The following GRM5 variants were observed in gnomAD, a reference collection of about 807,000 sequenced individuals.
GRM5 encodes the protein metabotropic glutamate receptor 5.
A neutral mutation model predicts 83.1 loss-of-function variants in GRM5; 19 were observed. That is an observed-to-expected ratio of 0.23 (90% CI 0.16 to 0.34). The LOEUF is 0.34. Among genes scored for constraint, GRM5 ranks in the 10% least tolerant of loss-of-function variants. The pLI is 1.00. For synonymous variants in GRM5, 675 were observed against 633.6 expected, an observed-to-expected ratio of 1.07 and a Z score of -0.98; for missense variants, 1,160 against 1,588.3, an observed-to-expected ratio of 0.73 and a Z score of 4.58.
intron 3 of GRM5, among the ~76,000 whole-genome samples, chr11:88,734,040 T>C (rs1215992463): frequency 3.9e-5 from 6 of 152,030 alleles, no homozygotes; most frequent in Admixed American, 2.6e-4. Flanking sequence ...AAGATTATTT[T>C]AGGTCACTAT....
intron 2 of GRM5, among the ~76,000 whole-genome samples, chr11:89,004,429 C>G: frequency 6.6e-6 from 1 of 152,084 alleles, no homozygotes. Context: ...TTATCTCTGT[C>G]AAAAATCTCT....
chr11:88,647,346 A>T (rs1229068324), intron 4 of GRM5, among the ~76,000 whole-genome samples: 1 of 142,972 alleles, frequency 7.0e-6, no homozygotes, highest in Non-Finnish European at 1.6e-5. Flanking sequence ...CTCCTTAAAA[A>T]AAGTATAAGA....
chr11:88,696,056 G>A (rs1367300615), intron 3 of GRM5, among the ~76,000 whole-genome samples: 1 of 152,100 alleles, frequency 6.6e-6, no homozygotes, highest in Non-Finnish European at 1.5e-5. Flanking sequence ...AGAAAAATTG[G>A]GTCACACTTG....
rs558330426 is a variant in GRM5 at position 88,632,857 on chromosome 11, C to G, written c.1147+20311G>C. ...CTTCCCAACATTTGATATGACCAGG[C>G]TTTATAATTTTATCCATACTAATAA... is the stretch of plus-strand genomic sequence containing the variant. On this transcript the variant is annotated intron_variant, in intron 4 of 9. Coordinates refer to ENST00000305447, the MANE Select transcript of GRM5 (RefSeq NM_001143831.3). 2.0e-5 allele frequency among the ~76,000 whole-genome samples: 3 copies of G among 152,250 alleles called. No homozygotes were observed. The East Asian group carries it at 5.8e-4, about 29-fold the overall frequency.
At chr11:88,732,116 C>T (rs1219379941) in intron 3 of GRM5, among the ~76,000 whole-genome samples, 1 of 152,044 alleles carries the variant, frequency 6.6e-6, no homozygotes, top group Admixed American at 6.6e-5. Flanking sequence ...CTCTGAGCCC[C>T]ACTACACACT....
intron 2 of GRM5, among the ~76,000 whole-genome samples, chr11:88,963,265 A>C (rs1938839425): frequency 6.6e-6 from 1 of 152,242 alleles, no homozygotes; most frequent in Admixed American, 6.5e-5. Flanking sequence ...TATGTGGCAT[A>C]CTGTTGGTCA....
At chr11:88,989,064 A>G (rs1434947713) in intron 2 of GRM5, among the ~76,000 whole-genome samples, 28 of 151,544 alleles carry the variant, frequency 1.8e-4, no homozygotes, top group Admixed American at 1.7e-3. Flanking sequence ...ACACAGACTG[A>G]CAAATTGGAT....
intron 7 of GRM5, among the ~76,000 whole-genome samples, chr11:88,587,046 T>C (rs1044185675): frequency 2.0e-5 from 3 of 152,234 alleles, no homozygotes; most frequent in Non-Finnish European, 4.4e-5. Context: ...TCAGGCATTG[T>C]ATTAGGTGCT....
chr11:88,710,064 C>T lies in GRM5; in HGVS notation c.912-56661G>A, dbSNP rs1047613148. 9.2e-5 allele frequency among the ~76,000 whole-genome samples: 14 copies of T among 152,204 alleles called. No homozygotes were observed. In the East Asian group the frequency reaches 2.1e-3, roughly 23 times the overall value. On this transcript the variant is annotated intron_variant, in intron 3 of 9. Transcript: ENST00000305447. ...TTTCAAATTAAACTCCCCCAGGAGC[C>T]GAATTACCTGAGCTAATGTATCTCA...
intron 4 of GRM5, among the ~76,000 whole-genome samples, chr11:88,605,856 A>C (rs1328585077): frequency 6.6e-6 from 1 of 152,212 alleles, no homozygotes; most frequent in Non-Finnish European, 1.5e-5. Context: ...AACTGCTCAG[A>C]ACTTGCTCCG....
rs1395254820 is a variant in GRM5, at chr11:88,634,200, G to C, written c.1147+18968C>G. Among the ~76,000 whole-genome samples the C allele has an allele frequency of 1.3e-5, 2 of 152,258 alleles. 1 individual carries two copies. The highest frequency in any genetic ancestry group is 4.2e-4 in the South Asian group (2 of 4,818). On this transcript the variant is annotated intron_variant, in intron 4 of 9. Coordinates refer to ENST00000305447, the MANE Select transcript of GRM5 (RefSeq NM_001143831.3). The stretch of plus-strand genomic sequence containing the variant: ...GGCAAGTCAGTGAGTGAGGGTGAGG[G>C]AATGTGATGGCCTAGGACATTACTG...
intron 1 of GRM5, among the ~76,000 whole-genome samples, chr11:89,050,483 A>G (rs1941734120): frequency 6.6e-6 from 1 of 152,232 alleles, no homozygotes; most frequent in Non-Finnish European, 1.5e-5. Context: ...TGGTGAATAC[A>G]AAGAAAAATA....
intron 8 of GRM5, among the ~76,000 whole-genome samples, chr11:88,537,162 C>T (rs765927742): frequency 6.6e-6 from 1 of 152,072 alleles, no homozygotes; most frequent in South Asian, 2.1e-4. Flanking sequence ...CTGAAAAGGT[C>T]GTACATGAAG....
chr11:88,771,522 T>C (rs1942736855), intron 3 of GRM5, among the ~76,000 whole-genome samples: 2 of 152,072 alleles, frequency 1.3e-5, no homozygotes, highest in Non-Finnish European at 2.9e-5. Context: ...GGGAGAAAGA[T>C]GAAAGCCAGA....
At chr11:88,637,040 T>G (rs962908477) in intron 4 of GRM5, among the ~76,000 whole-genome samples, 1 of 152,150 alleles carries the variant, frequency 6.6e-6, no homozygotes, top group African/African-American at 2.4e-5. Flanking sequence ...TGCGGGCTCT[T>G]TTTTGGTTCC....
chr11:88,756,019 C>G (rs562121030), intron 3 of GRM5, among the ~76,000 whole-genome samples: 1 of 152,254 alleles, frequency 6.6e-6, no homozygotes, highest in African/African-American at 2.4e-5. Flanking sequence ...ATGAACAAGG[C>G]TTATATTTAC....
intron 5 of GRM5, among the ~76,000 whole-genome samples, chr11:88,602,559 G>C (rs2135228361): frequency 6.6e-6 from 1 of 152,178 alleles, no homozygotes; most frequent in East Asian, 1.9e-4. Context: ...CCTTTGATCT[G>C]GCAGAATGCT....
At chr11:88,897,775 T>G (rs2135592391) in intron 2 of GRM5, among the ~76,000 whole-genome samples, 1 of 152,012 alleles carries the variant, frequency 6.6e-6, no homozygotes, top group Non-Finnish European at 1.5e-5. Flanking sequence ...CTCACAAAAT[T>G]TTCCGATAAA....
intron 2 of GRM5, among the ~76,000 whole-genome samples, chr11:88,949,793 C>T (rs1346979026): frequency 6.6e-6 from 1 of 152,114 alleles, no homozygotes; most frequent in Non-Finnish European, 1.5e-5. Context: ...CCATACTATA[C>T]AATAAGAATA....
Sources: allele counts gnomAD v4.1 joint callset (sites outside exome capture counted in the v4.1 genomes callset), GRCh38; gene constraint gnomAD v4.1.1; transcripts MANE v1.5; gene names NCBI Gene and HGNC (gene_info 2026-07-23, HGNC 2026-07-21).